Variants in GPR158 observed in about 807,000 individuals in gnomAD.
GPR158 encodes metabotropic glycine receptor.
GPR158 carries 30 observed loss-of-function variants against 78.2 expected under a neutral mutation model. The observed-to-expected ratio is 0.38, with a 90% CI of 0.29 to 0.52. The LOEUF (loss-of-function observed/expected upper bound fraction) is 0.52. Among genes scored for constraint, GPR158 ranks in the 20% least tolerant of loss-of-function variants. GPR158 has a pLI of 0.83. For synonymous variants in GPR158, 581 were observed against 591.1 expected, an observed-to-expected ratio of 0.98 and a Z score of 0.25; for missense variants, 1,463 against 1,523.5, an observed-to-expected ratio of 0.96 and a Z score of 0.66.
chr10:25,466,608 A>T (rs1835427233), intron 4 of GPR158, 43 bp from the exon 5 acceptor site: 3 of 1,300,404 alleles, frequency 2.3e-6, no homozygotes, highest in East Asian at 4.7e-5. Context: ...CTCCAGGCTT[A>T]GAAATGTAAG....
At chr10:25,201,077 C>A (rs1306745565) in intron 1 of GPR158, among the ~76,000 whole-genome samples, 2 of 151,858 alleles carry the variant, frequency 1.3e-5, no homozygotes, top group African/African-American at 2.4e-5. Flanking sequence ...AGCACTGAAT[C>A]CGTAAATTGC....
At chr10:25,452,022 G>T (rs1044366769) in intron 4 of GPR158, among the ~76,000 whole-genome samples, 24 of 151,798 alleles carry the variant, frequency 1.6e-4, no homozygotes, top group South Asian at 4.2e-4. Flanking sequence ...TTTTGTTTTG[G>T]TTTGGTTTGG....
chr10:25,287,376 T>G (rs1391573368), intron 2 of GPR158, among the ~76,000 whole-genome samples: 2 of 152,108 alleles, frequency 1.3e-5, no homozygotes, highest in Non-Finnish European at 2.9e-5. Context: ...TGGGTTTTCA[T>G]GTCTTTTTTT....
At chr10:25,506,835 T>A (rs1836019054) in intron 5 of GPR158, among the ~76,000 whole-genome samples, 1 of 152,248 alleles carries the variant, frequency 6.6e-6, no homozygotes, top group Non-Finnish European at 1.5e-5. Context: ...TAGCTTTTGC[T>A]ACATATTGCT....
rs142132263 is a variant in GPR158, at chr10:25,377,536, C to G, written c.1009-18375C>G. Among the ~76,000 whole-genome samples the G allele has an allele frequency of 5.3e-5, 8 of 152,092 alleles. No homozygotes were observed. In the East Asian group the frequency reaches 1.4e-3, roughly 26 times the overall value. On this transcript the variant is annotated intron_variant, in intron 2 of 10. Transcript: ENST00000376351. ...AAACCCTGTACTCATTAGGTTCATTCTCACCAGCAGCCAACACTTGGCAAT... is the reference window on the plus strand; with the variant it reads ...AAACCCTGTACTCATTAGGTTCATTGTCACCAGCAGCCAACACTTGGCAAT...
At chr10:25,501,839 A>C (rs1309023797) in intron 5 of GPR158, among the ~76,000 whole-genome samples, 1 of 152,180 alleles carries the variant, frequency 6.6e-6, no homozygotes, top group African/African-American at 2.4e-5. Flanking sequence ...CAAACACCAG[A>C]AAAGAAACTA....
chr10:25,209,745 G>A (rs1171778648), intron 1 of GPR158, among the ~76,000 whole-genome samples: 5 of 152,176 alleles, frequency 3.3e-5, no homozygotes, highest in African/African-American at 1.2e-4. Flanking sequence ...TTTTAATTGT[G>A]TTAGAGGAAA....
Position 25,466,791 on chromosome 10 carries a change from CACACACACACACACAT to C in GPR158, c.1404+81_1404+96del. 6.2e-6 allele frequency: 4 copies of C among 644,764 alleles called. No homozygotes were observed. The South Asian group carries it at 6.5e-5, about 10-fold the overall frequency. 39.9% of individuals were successfully genotyped at this position (644,764 alleles called of 1,614,324 possible). A position where few individuals can be genotyped will look rare whatever the true frequency, so the allele number is the denominator to read the frequency against. On this transcript the variant is annotated intron_variant, in intron 5 of 10. Coordinates refer to ENST00000376351, the MANE Select transcript of GPR158 (RefSeq NM_020752.3). ...GCATACTATAAAGTTACTGTTTACA[CACACACACACACACAT>C]ACACACACCCTGGTGTTACTAGGAA...
At chr10:25,564,623 G>A (rs1207684152) in intron 6 of GPR158, among the ~76,000 whole-genome samples, 2 of 152,124 alleles carry the variant, frequency 1.3e-5, no homozygotes, top group Non-Finnish European at 2.9e-5. Flanking sequence ...TGAAAATAAG[G>A]TCCATTGTGC....
intron 2 of GPR158, among the ~76,000 whole-genome samples, chr10:25,290,036 CAGTT>C: frequency 6.6e-6 from 1 of 152,284 alleles, no homozygotes; most frequent in African/African-American, 2.4e-5. Flanking sequence ...AATTATCACA[CAGTT>C]AGTGACCCTA....
At chr10:25,457,638 T>C (rs1396708855) in intron 4 of GPR158, among the ~76,000 whole-genome samples, 1 of 152,192 alleles carries the variant, frequency 6.6e-6, no homozygotes, top group Admixed American at 6.5e-5. Context: ...GGAATGTATT[T>C]GAAAGGCTTC....
chr10:25,237,679 G>A (rs926134462), intron 2 of GPR158, among the ~76,000 whole-genome samples: 2 of 151,990 alleles, frequency 1.3e-5, no homozygotes, highest in South Asian at 2.1e-4. Context: ...GAATGAACAG[G>A]CACATGATAC....
At chr10:25,541,847 T>C (rs1352102588) in intron 5 of GPR158, among the ~76,000 whole-genome samples, 1 of 151,036 alleles carries the variant, frequency 6.6e-6, no homozygotes, top group African/African-American at 2.4e-5. Context: ...TTAGGATTGT[T>C]GGCAGCATAG....
intron 2 of GPR158, among the ~76,000 whole-genome samples, chr10:25,238,024 T>G (rs758816114): frequency 9.2e-5 from 14 of 152,138 alleles, no homozygotes; most frequent in Non-Finnish European, 1.6e-4. Context: ...TCTGCTCTCT[T>G]CCTTTTTTAA....
At chr10:25,440,607 G>A (rs1048913848) in intron 4 of GPR158, among the ~76,000 whole-genome samples, 13 of 152,164 alleles carry the variant, frequency 8.5e-5, no homozygotes, top group African/African-American at 3.1e-4. Context: ...GCTTTGCAAA[G>A]TCTCTGAGAC....
chr10:25,453,136 C>G (rs1056685635), intron 4 of GPR158, among the ~76,000 whole-genome samples: 1 of 152,168 alleles, frequency 6.6e-6, no homozygotes, highest in Non-Finnish European at 1.5e-5. Context: ...TGGATAGACT[C>G]TAAGGCTGAT....
At chr10:25,259,880 A>ACT (rs1564404724) in intron 2 of GPR158, among the ~76,000 whole-genome samples, 16 of 151,578 alleles carry the variant, frequency 1.1e-4, no homozygotes, top group African/African-American at 3.1e-4. Context: ...CTTTTTTTTG[A>ACT]CTTTTGCTGA....
intron 2 of GPR158, among the ~76,000 whole-genome samples, chr10:25,250,830 C>T (rs879636854): frequency 0.015 from 2,213 of 150,558 alleles, 18 homozygotes; most frequent in Non-Finnish European, 0.025. Context: ...CTATTAGGTC[C>T]GCTTGGTGCA....
intron 2 of GPR158, among the ~76,000 whole-genome samples, chr10:25,386,194 A>G (rs1348293383): frequency 6.6e-6 from 1 of 152,168 alleles, no homozygotes; most frequent in Non-Finnish European, 1.5e-5. Context: ...TTTTCCAAAT[A>G]CCACCTGTTG....
Sources: allele counts gnomAD v4.1 joint callset (sites outside exome capture counted in the v4.1 genomes callset), GRCh38; gene constraint gnomAD v4.1.1; transcripts MANE v1.5; gene names NCBI Gene and HGNC (gene_info 2026-07-23, HGNC 2026-07-21).